FHIT: variants seen among roughly 807,000 people sequenced by gnomAD.
FHIT encodes fragile histidine triad diadenosine triphosphatase, also known as bis(5'-adenosyl)-triphosphatase.
Under a neutral mutation model 17.9 loss-of-function variants are expected in FHIT, and 19 were observed. The ratio of observed to expected loss-of-function variants is 1.06; its 90% CI spans 0.74 to 1.56. The LOEUF (loss-of-function observed/expected upper bound fraction) is 1.56. FHIT is among the 40% of genes most tolerant of loss of function. The pLI, the probability that FHIT is intolerant of heterozygous loss-of-function variation, is 0.00. For missense variants in FHIT, 248 were observed against 189.2 expected, an observed-to-expected ratio of 1.31 and a Z score of -1.82; for synonymous variants, 81 against 69.7, an observed-to-expected ratio of 1.16 and a Z score of -0.81.
At chr3:61,201,476 A>G (rs1003228623) in intron 1 of FHIT, among the ~76,000 whole-genome samples, 5 of 149,500 alleles carry the variant, frequency 3.3e-5, no homozygotes, top group African/African-American at 1.3e-4. Flanking sequence ...CTAGGTCCTA[A>G]CATCTCCGAA....
At chr3:60,970,792 T>C (rs541926719) in intron 3 of FHIT, among the ~76,000 whole-genome samples, 11 of 152,320 alleles carry the variant, frequency 7.2e-5, no homozygotes, top group Non-Finnish European at 1.5e-4. Flanking sequence ...AAATATTTTA[T>C]TTTTCAAGCT....
intron 5 of FHIT, among the ~76,000 whole-genome samples, chr3:60,124,951 T>C (rs990368198): frequency 9.9e-5 from 15 of 152,212 alleles, no homozygotes; most frequent in African/African-American, 3.6e-4. Flanking sequence ...ATATTAGATC[T>C]GATGGGGCCC....
intron 3 of FHIT, among the ~76,000 whole-genome samples, chr3:60,862,909 T>C (rs1252063252): frequency 2.0e-5 from 3 of 151,058 alleles, no homozygotes; most frequent in Non-Finnish European, 4.4e-5. Flanking sequence ...CTAGATTAGG[T>C]GCTGCCATGA....
intron 5 of FHIT, among the ~76,000 whole-genome samples, chr3:60,261,395 TGA>T (rs1706293538): frequency 2.0e-5 from 3 of 152,030 alleles, no homozygotes; most frequent in South Asian, 4.1e-4. Flanking sequence ...TCAGAGACGG[TGA>T]GTATTAGAAT....
chr3:61,149,058 T>C (rs1289138787), intron 2 of FHIT, among the ~76,000 whole-genome samples: 1 of 152,222 alleles, frequency 6.6e-6, no homozygotes, highest in Non-Finnish European at 1.5e-5. Context: ...ACTGAAAGTA[T>C]AGTAGAGAAA....
chr3:60,823,550 C>G (rs1553739996), intron 3 of FHIT, among the ~76,000 whole-genome samples: 1 of 152,112 alleles, frequency 6.6e-6, no homozygotes, highest in East Asian at 1.9e-4. Flanking sequence ...AGTTATGTAG[C>G]TGCAAGCCAA....
intron 4 of FHIT, among the ~76,000 whole-genome samples, chr3:60,701,513 T>G (rs2041247252): frequency 6.6e-6 from 1 of 151,950 alleles, no homozygotes; most frequent in South Asian, 2.1e-4. Flanking sequence ...GGGTGGGATA[T>G]GAAATCACAG....
chr3:60,257,058 A>T (rs1289335744), intron 5 of FHIT, among the ~76,000 whole-genome samples: 1 of 152,204 alleles, frequency 6.6e-6, no homozygotes, highest in African/African-American at 2.4e-5. Context: ...CTGGAGGAAG[A>T]AAACAGCTTT....
At position 61,041,655 on chromosome 3, in the gene FHIT, G is replaced by T. The variant is rs78179996; in HGVS notation, c.-111+392C>A. Among the ~76,000 whole-genome samples, 590 of 149,630 alleles carry T rather than the reference G, an allele frequency of 3.9e-3. 3 individuals carry two copies. The highest frequency in any genetic ancestry group is 6.9e-3 in the Non-Finnish European group (470 of 67,668). On this transcript the variant is annotated intron_variant, in intron 3 of 9. Coordinates refer to ENST00000492590, the MANE Select transcript of FHIT (RefSeq NM_002012.4). Reference sequence around the variant, plus strand: ...ATGCCCATCTATAATTTATAGACAGGTATGATTCCACAATTTAAAAAATAA... The same window carrying T: ...ATGCCCATCTATAATTTATAGACAGTTATGATTCCACAATTTAAAAAATAA...
chr3:60,250,778 A>G (rs17062611), intron 5 of FHIT, among the ~76,000 whole-genome samples: 4,899 of 152,290 alleles, frequency 0.032, 276 homozygotes, highest in African/African-American at 0.11. Context: ...GAATTAAAAA[A>G]AAGACCACCT....
chr3:60,923,044 C>T (rs1213028600), intron 3 of FHIT, among the ~76,000 whole-genome samples: 1 of 152,230 alleles, frequency 6.6e-6, no homozygotes, highest in Non-Finnish European at 1.5e-5. Context: ...CTCAGCTCAA[C>T]TAGTGTGGTA....
At chr3:59,786,091 G>A (rs538896818) in intron 8 of FHIT, among the ~76,000 whole-genome samples, 2 of 152,292 alleles carry the variant, frequency 1.3e-5, no homozygotes, top group South Asian at 4.1e-4. Flanking sequence ...TGGGTGAAAT[G>A]GGGGTAAGGA....
intron 5 of FHIT, among the ~76,000 whole-genome samples, chr3:60,238,173 TCAG>T (rs1174410138): frequency 1.3e-5 from 2 of 148,702 alleles, no homozygotes; most frequent in African/African-American, 4.9e-5. Flanking sequence ...AATTTGTGTA[TCAG>T]CAACAAATAC....
At chr3:60,214,255 C>A (rs952314593) in intron 5 of FHIT, among the ~76,000 whole-genome samples, 3 of 152,090 alleles carry the variant, frequency 2.0e-5, no homozygotes, top group Non-Finnish European at 4.4e-5. Context: ...CCTCATTATA[C>A]TAAAGATGAA....
intron 8 of FHIT, among the ~76,000 whole-genome samples, chr3:59,905,295 G>C (rs1291696151): frequency 6.6e-6 from 1 of 152,224 alleles, no homozygotes; most frequent in Non-Finnish European, 1.5e-5. Context: ...AGCATACAGA[G>C]GACGAACTTC....
At chr3:60,543,663 A>G (rs995713399) in intron 4 of FHIT, among the ~76,000 whole-genome samples, 1 of 152,044 alleles carries the variant, frequency 6.6e-6, no homozygotes, top group African/African-American at 2.4e-5. Flanking sequence ...AAAGCTATTG[A>G]TTTTTCTACG....
At chr3:59,848,401 A>C (rs1344480043) in intron 8 of FHIT, among the ~76,000 whole-genome samples, 1 of 152,152 alleles carries the variant, frequency 6.6e-6, no homozygotes, top group African/African-American at 2.4e-5. Flanking sequence ...ATTATATTTT[A>C]ATATACCTAT....
chr3:60,807,972 G>A (rs1701455098), intron 4 of FHIT, among the ~76,000 whole-genome samples: 1 of 152,222 alleles, frequency 6.6e-6, no homozygotes, highest in South Asian at 2.1e-4. Flanking sequence ...TCCTGAAACT[G>A]GGGACCTCAT....
At chr3:60,599,338 A>G (rs2038368982) in intron 4 of FHIT, among the ~76,000 whole-genome samples, 1 of 152,218 alleles carries the variant, frequency 6.6e-6, no homozygotes, top group African/African-American at 2.4e-5. Flanking sequence ...TTGGCCAGTG[A>G]CAAACAATGT....
Sources: gnomAD v4.1 joint callset for allele counts (sites outside exome capture counted in the v4.1 genomes callset) on GRCh38, gnomAD v4.1.1 for gene constraint, MANE v1.5 for transcripts, NCBI Gene and HGNC (gene_info 2026-07-23, HGNC 2026-07-21) for gene names.